The following TSPAN10 variants were observed in gnomAD, a reference collection of about 807,000 sequenced individuals.
TSPAN10 encodes tetraspanin-10.
A neutral mutation model predicts 15.0 loss-of-function variants in TSPAN10; 11 were observed. That is an observed-to-expected ratio of 0.73 (90% confidence interval 0.46 to 1.21). The LOEUF (loss-of-function observed/expected upper bound fraction) is 1.21. Among genes scored for constraint, TSPAN10 ranks in the 50% most tolerant of loss-of-function variants. The pLI is 0.00. For missense variants in TSPAN10, 486 were observed against 470.6 expected (o/e 1.03, Z -0.30); for synonymous variants, 241 against 226.2 (o/e 1.07, Z -0.59).
chr17:81,646,027 T>A, intron 2 of TSPAN10: 1 of 321,168 alleles, frequency 3.1e-6, no homozygotes, highest in Non-Finnish European at 5.7e-6. Context: ...GCAGGGTGAC[T>A]CTGTTCCCCC....
chr17:81,648,197 G>C (rs1047940937), exon 3 of TSPAN10: 1 of 1,388,934 alleles, frequency 7.2e-7, no homozygotes, highest in African/African-American at 1.5e-5. Context: ...GCCCGCAGGG[G>C]GGCGGCGTAC....
upstream of TSPAN10, among the ~76,000 whole-genome samples, chr17:81,640,035 T>A (rs1598707860): frequency 6.6e-6 from 1 of 150,542 alleles, no homozygotes; most frequent in South Asian, 2.1e-4. Flanking sequence ...GAGGCTGGAG[T>A]GCAGTGGCAC....
intron 1 of TSPAN10, among the ~76,000 whole-genome samples, chr17:81,644,059 G>T (rs1333743428): frequency 1.3e-5 from 2 of 149,108 alleles, no homozygotes; most frequent in Non-Finnish European, 3.0e-5. Flanking sequence ...ACGTTGCTCA[G>T]GCTGGTCTCG....
chr17:81,647,675 C>G, intron 2 of TSPAN10: 1 of 645,600 alleles, frequency 1.5e-6, no homozygotes, highest in South Asian at 1.8e-5. Context: ...CCACCCCTAC[C>G]TGCAAGCGCA....
At chr17:81,648,430 C>A, downstream of TSPAN10, 1 of 858,108 alleles carries the variant, frequency 1.2e-6, no homozygotes, top group Non-Finnish European at 1.5e-6. Flanking sequence ...CAGGACCTAC[C>A]CAGCTCGCTC....
exon 1 of TSPAN10, chr17:81,637,319 C>T: frequency 1.5e-6 from 1 of 662,348 alleles, no homozygotes; most frequent in East Asian, 2.8e-5. Flanking sequence ...GACGAGCATC[C>T]GAAGTCTCAC....
At chr17:81,637,451 G>GTT (rs57463122), upstream of TSPAN10, 36 of 630,744 alleles carry the variant, frequency 5.7e-5, no homozygotes, top group African/African-American at 7.3e-5. Flanking sequence ...ACACCTTCAT[G>GTT]TTTTTTTTTT....
chr17:81,642,500 G>A, intron 1 of TSPAN10, 52 bp downstream of exon 2: 4 of 1,562,418 alleles, frequency 2.6e-6, no homozygotes, highest in Non-Finnish European at 1.7e-6. Flanking sequence ...CCCCAGCCCT[G>A]AAGTCCTAAG....
intron 2 of TSPAN10, chr17:81,647,347 A>G: frequency 2.2e-6 from 1 of 449,490 alleles, no homozygotes; most frequent in African/African-American, 2.0e-5. Context: ...CCCAGACATC[A>G]GTGGATGCCT....
downstream of TSPAN10, chr17:81,648,481 A>G: frequency 3.7e-6 from 2 of 540,656 alleles, no homozygotes; most frequent in Non-Finnish European, 2.7e-6. Flanking sequence ...CCCCCAACGC[A>G]GGGCGCCCGG....
chr17:81,642,236 A>G (rs1282864308), upstream of TSPAN10: 2 of 597,936 alleles, frequency 3.3e-6, no homozygotes, highest in Non-Finnish European at 6.0e-6. Flanking sequence ...ACATGACTCA[A>G]CTGTGACTCC....
intron 1 of TSPAN10, among the ~76,000 whole-genome samples, chr17:81,644,409 C>T (rs186966851): frequency 0.019 from 2,085 of 107,314 alleles, 14 homozygotes; most frequent in Non-Finnish European, 0.028. Flanking sequence ...ACACTCAGTG[C>T]GGGCCGTTGG....
chr17:81,639,327 C>A (rs1307663147), upstream of TSPAN10: 2 of 151,266 alleles, frequency 1.3e-5, no homozygotes, highest in African/African-American at 4.9e-5. Flanking sequence ...CCTGCCTCAG[C>A]CTCCTGAGTA....
chr17:81,642,589 G>T (rs560892067), intron 1 of TSPAN10, 141 bp downstream of exon 2: 11 of 866,206 alleles, frequency 1.3e-5, no homozygotes, highest in Non-Finnish European at 2.0e-5. Flanking sequence ...TGGGTTGAGG[G>T]GGGTGGTTCT....
rs1425229879 is a variant in TSPAN10 at position 81,643,383 on chromosome 17, G to A, written c.36+935G>A. Among the ~76,000 whole-genome samples, 4 of 97,278 alleles carry A rather than the reference G, an allele frequency of 4.1e-5. 1 individual carries two copies. In the Admixed American group the frequency reaches 4.7e-4, roughly 11 times the overall value. 63.8% of individuals were successfully genotyped at this position (97,278 alleles called of 152,430 possible). Reference sequence around the variant, plus strand: ...TCCCAGCACTTTGGGAGGCCGAGGCGGGCGGATCACGAGGTTAGGAGATCG... The same window carrying A: ...TCCCAGCACTTTGGGAGGCCGAGGCAGGCGGATCACGAGGTTAGGAGATCG... On this transcript the variant is annotated intron_variant, in intron 1 of 2. Coordinates refer to ENST00000611590, the Ensembl canonical transcript of TSPAN10.
intron 1 of TSPAN10, 101 bp downstream of exon 2, chr17:81,642,549 T>G (rs1423324466): frequency 1.6e-6 from 2 of 1,213,430 alleles, no homozygotes; most frequent in Non-Finnish European, 2.3e-6. Flanking sequence ...CCCCTGCCCC[T>G]GGTGCCACCC....
chr17:81,645,747 A>T, intron 2 of TSPAN10, 118 bp downstream of exon 3: 1 of 1,297,030 alleles, frequency 7.7e-7, no homozygotes, highest in Non-Finnish European at 1.1e-6. Flanking sequence ...GCCCACATGC[A>T]TGCACACGTA....
At chr17:81,639,884 G>A (rs2144372104), upstream of TSPAN10, among the ~76,000 whole-genome samples, 1 of 152,128 alleles carries the variant, frequency 6.6e-6, no homozygotes, top group Admixed American at 6.5e-5. Flanking sequence ...GGAGGCTGAG[G>A]CAGGAGAATG....
chr17:81,648,298 C>G, downstream of TSPAN10: 1 of 1,206,984 alleles, frequency 8.3e-7, no homozygotes, highest in Non-Finnish European at 1.0e-6. Flanking sequence ...GGGCTGAGCG[C>G]ACGCCCCGAG....
Sources: gnomAD v4.1 joint callset for allele counts (sites outside exome capture counted in the v4.1 genomes callset) on GRCh38, gnomAD v4.1.1 for gene constraint, MANE v1.5 for transcripts, NCBI Gene and HGNC (gene_info 2026-07-23, HGNC 2026-07-21) for gene names.